Variants in TNR observed in about 807,000 individuals in gnomAD.
TNR encodes tenascin-R.
A neutral mutation model predicts 150.4 loss-of-function variants in TNR; 45 were observed. The observed-to-expected ratio is 0.30, with a 90% confidence interval of 0.24 to 0.38. The LOEUF (loss-of-function observed/expected upper bound fraction) is 0.38, where lower values mean the gene tolerates loss of function less well. Among genes scored for constraint, TNR ranks in the 10% least tolerant of loss-of-function variants. The pLI, the probability that TNR is intolerant of heterozygous loss-of-function variation, is 1.00. For synonymous variants in TNR, 687 were observed against 678.4 expected, an observed-to-expected ratio of 1.01 and a Z score of -0.20; for missense variants, 1,544 against 1,759.1, an observed-to-expected ratio of 0.88 and a Z score of 2.19.
intron 2 of TNR, among the ~76,000 whole-genome samples, chr1:175,505,041 GT>G (rs111421074): frequency 0.079 from 16 of 202 alleles, no homozygotes; most frequent in Non-Finnish European, 0.02. Flanking sequence ...CCAGGACTGT[GT>G]TGGATTCCCG....
At chr1:175,575,269 G>A (rs1407971960) in intron 1 of TNR, among the ~76,000 whole-genome samples, 3 of 152,176 alleles carry the variant, frequency 2.0e-5, no homozygotes, top group African/African-American at 7.2e-5. Flanking sequence ...ATGGACAGGT[G>A]GTGTGAACAA....
At chr1:175,665,151 A>C (rs750272015) in intron 1 of TNR, among the ~76,000 whole-genome samples, 1 of 152,110 alleles carries the variant, frequency 6.6e-6, no homozygotes, top group Non-Finnish European at 1.5e-5. Flanking sequence ...ACTATAGCAC[A>C]GTTTTGTTTC....
chr1:175,391,771 T>C (rs1188017234), intron 6 of TNR, among the ~76,000 whole-genome samples: 1 of 152,258 alleles, frequency 6.6e-6, no homozygotes, highest in East Asian at 1.9e-4. Context: ...AAATGTTTGA[T>C]GGTTGCGGTT....
chr1:175,638,429 T>C (rs569774543), intron 1 of TNR, among the ~76,000 whole-genome samples: 3 of 152,300 alleles, frequency 2.0e-5, no homozygotes, highest in South Asian at 2.1e-4. Context: ...CAAAACCCAT[T>C]TGGACTGACT....
At chr1:175,451,046 T>A (rs1023388609) in intron 2 of TNR, among the ~76,000 whole-genome samples, 3 of 152,162 alleles carry the variant, frequency 2.0e-5, no homozygotes, top group African/African-American at 4.8e-5. Context: ...GATTCTCCTC[T>A]CCTCTCATTG....
At chr1:175,714,299 C>T (rs373979967) in intron 1 of TNR, among the ~76,000 whole-genome samples, 1 of 152,016 alleles carries the variant, frequency 6.6e-6, no homozygotes, top group Non-Finnish European at 1.5e-5. Flanking sequence ...TTTCTAGTGA[C>T]GGAAAGCCCA....
Position 175,406,451 on chromosome 1 carries a change from C to T in TNR, c.264G>A (p.Glu88=). ...TCTCGTCTTCTGCACTCACCTCCTGCTCAGCAGAGGCCTCTAGCCCTGAGG... is the reference window on the plus strand; with the variant it reads ...TCTCGTCTTCTGCACTCACCTCCTGTTCAGCAGAGGCCTCTAGCCCTGAGG... ...LCSSGLEASA[E]QEVSAEDETL... is the part of the protein sequence containing the mutation. The change falls in exon 3 of 23, where the codon GAG becomes GAA. Residue 88 remains glutamate (E), a synonymous_variant. Coordinates refer to ENST00000367674, the MANE Select transcript of TNR (RefSeq NM_003285.3). 1.2e-6 allele frequency: 2 copies of T among 1,614,210 alleles called. No homozygotes were observed. The highest frequency in any genetic ancestry group is 1.7e-6 in the Non-Finnish European group (2 of 1,180,040).
intron 2 of TNR, among the ~76,000 whole-genome samples, chr1:175,435,044 C>T (rs1057300724): frequency 2.0e-5 from 3 of 152,142 alleles, no homozygotes; most frequent in African/African-American, 7.2e-5. Flanking sequence ...ACTGTGAGCT[C>T]CTTAAGGACA....
chr1:175,328,302 T>C (rs1649528766), intron 21 of TNR, among the ~76,000 whole-genome samples: 1 of 152,226 alleles, frequency 6.6e-6, no homozygotes, highest in Admixed American at 6.5e-5. Context: ...TAACTTAATT[T>C]GTAATTTTCA....
chr1:175,500,608 T>C (rs974782377), intron 2 of TNR, among the ~76,000 whole-genome samples: 1 of 152,188 alleles, frequency 6.6e-6, no homozygotes, highest in African/African-American at 2.4e-5. Flanking sequence ...TAGAGTTTTG[T>C]TTTAAAAGCA....
intron 20 of TNR, among the ~76,000 whole-genome samples, chr1:175,331,925 G>T (rs574398812): frequency 6.6e-6 from 1 of 152,296 alleles, no homozygotes; most frequent in Non-Finnish European, 1.5e-5. Flanking sequence ...GAGACTTAGA[G>T]CTTTACCTTG....
chr1:175,474,319 A>G (rs147425832), intron 2 of TNR, among the ~76,000 whole-genome samples: 202 of 152,288 alleles, frequency 1.3e-3, no homozygotes, highest in African/African-American at 4.7e-3. Flanking sequence ...CCCTAATCCA[A>G]TGACTTGTGT....
At chr1:175,488,511 G>A (rs1159317676) in intron 2 of TNR, among the ~76,000 whole-genome samples, 2 of 152,178 alleles carry the variant, frequency 1.3e-5, no homozygotes, top group African/African-American at 4.8e-5. Flanking sequence ...CTGCTGGGCT[G>A]GGAAATTGAT....
chr1:175,378,074 C>A (rs1191164478), intron 9 of TNR, among the ~76,000 whole-genome samples: 1 of 152,232 alleles, frequency 6.6e-6, no homozygotes, highest in Non-Finnish European at 1.5e-5. Context: ...CCATCATCAT[C>A]TCCCTTTGAC....
At chr1:175,496,278 C>A (rs935287709) in intron 2 of TNR, among the ~76,000 whole-genome samples, 11 of 152,136 alleles carry the variant, frequency 7.2e-5, no homozygotes, top group Non-Finnish European at 1.6e-4. Flanking sequence ...AATTTAAATA[C>A]CTTTCACCAG....
intron 1 of TNR, among the ~76,000 whole-genome samples, chr1:175,724,099 AT>A (rs1667413491): frequency 6.6e-6 from 1 of 152,200 alleles, no homozygotes; most frequent in Non-Finnish European, 1.5e-5. Context: ...GAAAGCAGTT[AT>A]TGCCAGTGGA....
At chr1:175,520,632 A>C (rs1374589268) in intron 2 of TNR, among the ~76,000 whole-genome samples, 2 of 152,120 alleles carry the variant, frequency 1.3e-5, no homozygotes, top group Non-Finnish European at 2.9e-5. Flanking sequence ...CCAAGGATAC[A>C]GAGTTTGATT....
intron 2 of TNR, among the ~76,000 whole-genome samples, chr1:175,455,348 C>T (rs769222205): frequency 8.5e-5 from 13 of 152,086 alleles, no homozygotes; most frequent in Non-Finnish European, 1.3e-4. Flanking sequence ...AGAACAAGGC[C>T]GATACAATAT....
intron 2 of TNR, among the ~76,000 whole-genome samples, chr1:175,483,508 G>A (rs768700364): frequency 2.0e-5 from 3 of 152,200 alleles, no homozygotes; most frequent in Non-Finnish European, 4.4e-5. Context: ...GAACATGATG[G>A]AAAGACAGGA....
Sources: allele counts gnomAD v4.1 joint callset (sites outside exome capture counted in the v4.1 genomes callset), GRCh38; gene constraint gnomAD v4.1.1; transcripts MANE v1.5; gene names NCBI Gene and HGNC (gene_info 2026-07-23, HGNC 2026-07-21).